UNC79: variants seen among roughly 807,000 people sequenced by gnomAD.
UNC79 encodes the protein unc-79 subunit of NALCN channel complex.
Under a neutral mutation model 283.1 loss-of-function variants are expected in UNC79, and 37 were observed. The ratio of observed to expected loss-of-function variants is 0.13; its 90% CI spans 0.10 to 0.17. The LOEUF (loss-of-function observed/expected upper bound fraction) is 0.17, where lower values mean the gene tolerates loss of function less well. UNC79 is among the 10% of genes least tolerant of loss of function. The pLI is 1.00. For missense variants in UNC79, 2,272 were observed against 3,211.1 expected, an observed-to-expected ratio of 0.71 and a Z score of 7.07; for synonymous variants, 1,107 against 1,200.2, an observed-to-expected ratio of 0.92 and a Z score of 1.61.
At chr14:93,593,282 A>G (rs1479134432) in intron 22 of UNC79, among the ~76,000 whole-genome samples, 1 of 152,216 alleles carries the variant, frequency 6.6e-6, no homozygotes, top group Non-Finnish European at 1.5e-5. Context: ...CTTTGACATC[A>G]TAAGAGGCTG....
intron 1 of UNC79, among the ~76,000 whole-genome samples, chr14:93,375,343 C>T (rs1187407859): frequency 1.3e-5 from 2 of 152,142 alleles, no homozygotes; most frequent in African/African-American, 4.8e-5. Context: ...GATTGCACTG[C>T]TGCACTCCAG....
At chr14:93,360,805 T>G (rs2054204634) in intron 1 of UNC79, among the ~76,000 whole-genome samples, 2 of 152,200 alleles carry the variant, frequency 1.3e-5, no homozygotes, top group East Asian at 3.9e-4. Context: ...TTGACTGAAA[T>G]TCAGGGAACT....
At chr14:93,522,321 T>C (rs1054732070) in intron 7 of UNC79, among the ~76,000 whole-genome samples, 1 of 152,042 alleles carries the variant, frequency 6.6e-6, no homozygotes, top group Non-Finnish European at 1.5e-5. Flanking sequence ...GATTTGGAGA[T>C]GGTTAGCAGA....
chr14:93,642,742 G>A (rs540015278), intron 33 of UNC79, among the ~76,000 whole-genome samples: 42 of 152,150 alleles, frequency 2.8e-4, no homozygotes, highest in Non-Finnish European at 5.7e-4. Flanking sequence ...CAATTTGTAA[G>A]AAATTTTTAT....
At chr14:93,659,326 G>C in intron 39 of UNC79, 65 bp downstream of exon 42, 1 of 1,321,166 alleles carries the variant, frequency 7.6e-7, no homozygotes, top group East Asian at 2.3e-5. Flanking sequence ...AATGAGATAG[G>C]CTTGTAGCAA....
In UNC79 at chr14:93,532,853, A is replaced by G. The variant is rs569813389; in HGVS notation, c.1122+275A>G. Among the ~76,000 whole-genome samples the G allele has an allele frequency of 3.3e-5, 5 of 152,272 alleles. No homozygotes were observed. The East Asian group carries it at 5.8e-4, about 18-fold the overall frequency. On this transcript the variant is annotated intron_variant, in intron 11 of 48. Coordinates refer to ENST00000555664, the Ensembl canonical transcript of UNC79. ...TGTGTAATTCTGGGATAGGAGTCCA[A>G]TTAGAAAAAGGTTTGAATTATACTG... is the stretch of plus-strand genomic sequence containing the variant.
At chr14:93,343,877 G>C (rs998007986) in intron 1 of UNC79, among the ~76,000 whole-genome samples, 2 of 152,174 alleles carry the variant, frequency 1.3e-5, no homozygotes, top group African/African-American at 4.8e-5. Flanking sequence ...GGGTCACTGA[G>C]AATACATCGA....
intron 41 of UNC79, among the ~76,000 whole-genome samples, chr14:93,674,783 C>T (rs2073184615): frequency 6.6e-6 from 1 of 152,158 alleles, no homozygotes; most frequent in African/African-American, 2.4e-5. Context: ...CTTCGTGAAG[C>T]ATTGGTTCTG....
rs760262296 is a variant in UNC79, at chr14:93,686,561, TTG to T, written c.6820-7_6820-6del. On this transcript the variant is annotated splice_polypyrimidine_tract_variant and intron_variant, in intron 42 of 48. Coordinates refer to ENST00000555664, the Ensembl canonical transcript of UNC79. The stretch of plus-strand genomic sequence containing the variant: ...ATGAAGGTGTGACCCAGCTGTGTCC[TTG>T]TGTTTCAGTGTGGGACTGCAGCGAT... 7 of 1,613,948 alleles carry T rather than the reference TTG, an allele frequency of 4.3e-6. No homozygotes were observed. Among genetic ancestry groups the T allele is most frequent in the Middle Eastern group, 3.3e-4 (2 of 6,062 alleles).
At chr14:93,595,270 A>T (rs1195902199) in intron 23 of UNC79, among the ~76,000 whole-genome samples, 1 of 151,608 alleles carries the variant, frequency 6.6e-6, no homozygotes, top group African/African-American at 2.4e-5. Context: ...TTGTATTTTT[A>T]CTAGAGATGG....
intron 14 of UNC79, among the ~76,000 whole-genome samples, chr14:93,571,177 G>A (rs1031442969): frequency 2.0e-5 from 3 of 152,118 alleles, no homozygotes; most frequent in Non-Finnish European, 4.4e-5. Flanking sequence ...CACACATCTT[G>A]TGTTATTTAG....
rs748288555 is a variant in UNC79, at chr14:93,531,060, C to T, written c.1094-1490C>T. On this transcript the variant is annotated intron_variant, in intron 10 of 48. Coordinates refer to ENST00000555664, the Ensembl canonical transcript of UNC79. The surrounding 1 kb of genome is among the most constrained non-coding windows in gnomAD (Gnocchi z 4.2). Reference sequence around the variant, plus strand: ...AGTGCTCTGAGGTAAAAGCCATAGTCAAGTTATAAAATATAAGTTATAAAA... The same window carrying T: ...AGTGCTCTGAGGTAAAAGCCATAGTTAAGTTATAAAATATAAGTTATAAAA... 5.9e-5 allele frequency among the ~76,000 whole-genome samples: 9 copies of T among 152,126 alleles called. No homozygotes were observed. The highest frequency in any genetic ancestry group is 1.2e-4 in the Non-Finnish European group (8 of 68,002).
intron 1 of UNC79, among the ~76,000 whole-genome samples, chr14:93,411,075 G>C (rs75338710): frequency 6.6e-6 from 1 of 152,040 alleles, no homozygotes; most frequent in African/African-American, 2.4e-5. Context: ...AGAGGGGAGC[G>C]CATTGCCCCG....
chr14:93,660,134 A>G (rs963386199), intron 39 of UNC79, among the ~76,000 whole-genome samples: 12 of 152,196 alleles, frequency 7.9e-5, no homozygotes, highest in Non-Finnish European at 1.5e-4. Context: ...GCATTGCTAT[A>G]GCTTGTAATT....
In UNC79 at chr14:93,532,548, A is replaced by G; in HGVS notation, c.1094-2A>G. 6.2e-7 allele frequency: 1 copy of G among 1,610,936 alleles called. No homozygotes were observed. On this transcript the variant is annotated splice_acceptor_variant, in intron 10 of 48. Transcript: ENST00000555664. LOFTEE classifies it high-confidence loss of function. Reference sequence around the variant, plus strand: ...GATATTTTGTGTGCCTTCCCCTTACAGCTGAAATATCTGCTATATGTCAGA... The same window carrying G: ...GATATTTTGTGTGCCTTCCCCTTACGGCTGAAATATCTGCTATATGTCAGA...
intron 1 of UNC79, among the ~76,000 whole-genome samples, chr14:93,420,473 G>A (rs1194619319): frequency 6.6e-6 from 1 of 151,692 alleles, no homozygotes; most frequent in East Asian, 1.9e-4. Context: ...TATTATTAGA[G>A]CTAAAGAGAG....
At chr14:93,388,733 C>T (rs2054827105) in intron 1 of UNC79, among the ~76,000 whole-genome samples, 1 of 152,160 alleles carries the variant, frequency 6.6e-6, no homozygotes, top group Non-Finnish European at 1.5e-5. Flanking sequence ...CCAGTCTTTT[C>T]AGGTCTGGAT....
chr14:93,523,480 C>G (rs545678652), intron 7 of UNC79, among the ~76,000 whole-genome samples: 1 of 152,028 alleles, frequency 6.6e-6, no homozygotes. Context: ...AAAACGCTTA[C>G]TGGTGCCAAG....
chr14:93,429,409 C>T (rs2055803568), upstream of UNC79, among the ~76,000 whole-genome samples: 3 of 152,192 alleles, frequency 2.0e-5, no homozygotes, highest in African/African-American at 7.2e-5. Flanking sequence ...CCCAAAGAGC[C>T]AATTCACTAA....
Sources: allele counts gnomAD v4.1 joint callset (sites outside exome capture counted in the v4.1 genomes callset), GRCh38; gene constraint gnomAD v4.1.1; non-coding constraint Gnocchi (gnomAD v3.1); transcripts MANE v1.5; gene names NCBI Gene and HGNC (gene_info 2026-07-23, HGNC 2026-07-21).